The following ECT2 variants were observed in gnomAD, a reference collection of about 807,000 sequenced individuals.
The protein encoded by ECT2 is protein ECT2.
Under a neutral mutation model 116.9 loss-of-function variants are expected in ECT2, and 61 were observed. The ratio of observed to expected loss-of-function variants is 0.52; its 90% confidence interval spans 0.42 to 0.65. The LOEUF (loss-of-function observed/expected upper bound fraction) is 0.65, where lower values mean the gene tolerates loss of function less well. Ranked by LOEUF, ECT2 falls within the 30% of genes least tolerant of loss-of-function variation. The pLI is 0.00. For synonymous variants in ECT2, 358 were observed against 346.4 expected (o/e 1.03, Z -0.37); for missense variants, 937 against 1,078.7 (o/e 0.87, Z 1.84).
At chr3:172,795,550 G>A (rs1725487267) in intron 18 of ECT2, among the ~76,000 whole-genome samples, 1 of 152,010 alleles carries the variant, frequency 6.6e-6, no homozygotes, top group South Asian at 2.1e-4. Context: ...ACATACCCAT[G>A]TATTTCACTT....
rs138741027 is a variant in ECT2, at chr3:172,757,603, G to C, written c.486+438G>C. 8.3e-3 allele frequency among the ~76,000 whole-genome samples: 1,255 copies of C among 151,984 alleles called. 15 individuals carry two copies. Among genetic ancestry groups the C allele is most frequent in the South Asian group, 0.045 (218 of 4,816 alleles). ...GCTACTTTGTTGTATTTTTAGTAGA[G>C]ATGGCGTTTCACCATGTTAGCCAGG... On this transcript the variant is annotated intron_variant, in intron 5 of 24. Transcript: ENST00000392692.
intron 24 of ECT2, 111 bp from the exon 25 acceptor site, chr3:172,820,037 T>C: frequency 1.5e-6 from 1 of 671,214 alleles, no homozygotes; most frequent in Non-Finnish European, 2.4e-6. Flanking sequence ...TTGTACTTAA[T>C]TGTTACAGTA....
chr3:172,755,184 T>C lies in ECT2; in HGVS notation c.131-111T>C, dbSNP rs546404393. On this transcript the variant is annotated intron_variant, in intron 2 of 24. Coordinates refer to ENST00000392692, the MANE Select transcript of ECT2 (RefSeq NM_001258315.2). ...GTCCTATTAAATTTAGAGAAAGTTA[T>C]GATTCCCTCAAAGATGTAATACATA... 9.6e-4 allele frequency: 664 copies of C among 693,568 alleles called. 7 individuals are homozygous for C. The Middle Eastern group carries it at 0.01, about 11-fold the overall frequency. The allele number at this position is 693,568 out of a possible 1,614,324, so 43.0% of individuals were successfully genotyped here. A position where few individuals can be genotyped will look rare whatever the true frequency, so the allele number is the denominator to read the frequency against.
chr3:172,787,833 G>A (rs1338254246), intron 18 of ECT2, among the ~76,000 whole-genome samples: 2 of 152,126 alleles, frequency 1.3e-5, no homozygotes, highest in African/African-American at 4.8e-5. Flanking sequence ...AGTGGCTTAT[G>A]CTATTTGTTA....
chr3:172,764,722 A>G (rs1191757724), intron 12 of ECT2, among the ~76,000 whole-genome samples: 1 of 152,204 alleles, frequency 6.6e-6, no homozygotes, highest in Non-Finnish European at 1.5e-5. Flanking sequence ...TGTGTTTATA[A>G]TAGATTTTAT....
At chr3:172,825,373 A>G (rs558459238), downstream of ECT2, among the ~76,000 whole-genome samples, 15 of 152,252 alleles carry the variant, frequency 9.9e-5, no homozygotes, top group South Asian at 3.1e-3. Context: ...TAAAAAATCA[A>G]AAGCTAGGAA....
At chr3:172,780,695 T>C (rs1052114592) in intron 14 of ECT2, among the ~76,000 whole-genome samples, 3 of 152,202 alleles carry the variant, frequency 2.0e-5, no homozygotes, top group African/African-American at 7.2e-5. Flanking sequence ...GAGTTCCAAT[T>C]TCTCCACATT....
chr3:172,823,936 T>C (rs1212921437), downstream of ECT2, among the ~76,000 whole-genome samples: 12 of 142,546 alleles, frequency 8.4e-5, no homozygotes, highest in African/African-American at 3.2e-4. Flanking sequence ...TTTTTCTCTT[T>C]TTTTTTTTTT....
intron 5 of ECT2, among the ~76,000 whole-genome samples, chr3:172,758,015 G>T (rs186476897): frequency 1.3e-5 from 2 of 151,892 alleles, no homozygotes; most frequent in Non-Finnish European, 1.5e-5. Context: ...ATGCCACCAC[G>T]CCTGGCTAAG....
chr3:172,801,526 A>G (rs1256494197), intron 18 of ECT2, among the ~76,000 whole-genome samples: 2 of 152,216 alleles, frequency 1.3e-5, no homozygotes, highest in African/African-American at 2.4e-5. Context: ...ACACGCATAC[A>G]GTGATCAGGT....
intron 18 of ECT2, among the ~76,000 whole-genome samples, chr3:172,791,647 A>G (rs752666855): frequency 6.6e-6 from 1 of 152,156 alleles, no homozygotes; most frequent in Non-Finnish European, 1.5e-5. Flanking sequence ...TGCAGAATTG[A>G]AGAGAGTTAA....
At chr3:172,754,711 CTTA>C in intron 2 of ECT2, 51 bp downstream of exon 2, 1 of 1,388,576 alleles carries the variant, frequency 7.2e-7, no homozygotes, top group South Asian at 1.4e-5. Context: ...TAATTCTAAA[CTTA>C]TTAGTGACTT....
intron 4 of ECT2, among the ~76,000 whole-genome samples, chr3:172,756,175 ACTTCATT>A (rs1716945311): frequency 6.6e-6 from 1 of 152,158 alleles, no homozygotes; most frequent in Admixed American, 6.5e-5. Flanking sequence ...CACTCTAAGG[ACTTCATT>A]CTTCATTCTA....
At chr3:172,803,033 C>T in intron 20 of ECT2, 53 bp downstream of exon 20, 2 of 1,457,084 alleles carry the variant, frequency 1.4e-6, no homozygotes, top group Non-Finnish European at 1.8e-6. Flanking sequence ...TGTAAGTTCC[C>T]TGAATATTTA....
intron 18 of ECT2, among the ~76,000 whole-genome samples, chr3:172,791,328 GAA>G (rs1236810814): frequency 6.6e-6 from 1 of 152,288 alleles, no homozygotes; most frequent in South Asian, 2.1e-4. Flanking sequence ...AGCCCCTAAC[GAA>G]AGAGTCAGCC....
chr3:172,761,525 A>C, intron 7 of ECT2, 85 bp from the exon 8 acceptor site: 1 of 921,872 alleles, frequency 1.1e-6, no homozygotes, highest in Non-Finnish European at 1.7e-6. Context: ...CTAAAACTGC[A>C]AAAAATTAAG....
In ECT2 at chr3:172,782,639, C is replaced by T. The variant is rs1374668432; in HGVS notation, c.1617+408C>T. Among the ~76,000 whole-genome samples the T allele has an allele frequency of 3.3e-5, 5 of 152,138 alleles. No individual in the cohort carries two copies. The East Asian group carries it at 5.8e-4, about 18-fold the overall frequency. ...TGTACAGATTGTTTCGTCACCCAGGCGTTAAGCCTGGTACCTATTAGTTAT... is the reference window on the plus strand; with the variant it reads ...TGTACAGATTGTTTCGTCACCCAGGTGTTAAGCCTGGTACCTATTAGTTAT... On this transcript the variant is annotated intron_variant, in intron 15 of 24. Coordinates refer to ENST00000392692, the MANE Select transcript of ECT2 (RefSeq NM_001258315.2).
chr3:172,786,427 C>T (rs1262182175), intron 17 of ECT2, 66 bp from the exon 18 acceptor site: 2 of 993,772 alleles, frequency 2.0e-6, no homozygotes, highest in Non-Finnish European at 3.1e-6. Flanking sequence ...AGATGGACAG[C>T]ATTTTAGTCT....
At chr3:172,767,493 A>T (rs1719704298) in intron 12 of ECT2, among the ~76,000 whole-genome samples, 1 of 152,206 alleles carries the variant, frequency 6.6e-6, no homozygotes, top group South Asian at 2.1e-4. Context: ...ATATAAAAGC[A>T]TTTAAAATTG....
Sources: gnomAD v4.1 joint callset for allele counts (sites outside exome capture counted in the v4.1 genomes callset) on GRCh38, gnomAD v4.1.1 for gene constraint, MANE v1.5 for transcripts, NCBI Gene and HGNC (gene_info 2026-07-23, HGNC 2026-07-21) for gene names.